Variants in ITGAX observed in about 807,000 individuals in gnomAD.
ITGAX encodes the protein integrin alpha-X.
In ITGAX, 99 loss-of-function variants were observed where a neutral mutation model predicts 140.2. That is an observed-to-expected ratio of 0.71 (90% CI 0.60 to 0.83). The LOEUF is 0.83. Among genes scored for constraint, ITGAX ranks in the 40% least tolerant of loss-of-function variants. The pLI is 0.00. For missense variants in ITGAX, 1,444 were observed against 1,482.0 expected, an observed-to-expected ratio of 0.97 and a Z score of 0.42; for synonymous variants, 631 against 600.4, an observed-to-expected ratio of 1.05 and a Z score of -0.75.
At position 31,382,404 on chromosome 16, in the gene ITGAX, C is replaced by T. The variant is rs2081078093; in HGVS notation, c.*497C>T. 1 of 1,532,788 alleles carries T rather than the reference C, an allele frequency of 6.5e-7. No homozygotes were observed. Among genetic ancestry groups the T allele is most frequent in the Admixed American group, 2.0e-5 (1 of 50,952 alleles). 94.9% of individuals were successfully genotyped at this position (1,532,788 alleles called of 1,614,324 possible). On this transcript the variant is annotated 3_prime_UTR_variant, in exon 30 of 30. Transcript: ENST00000268296. The stretch of plus-strand genomic sequence containing the variant: ...GGGACTACAGGCACACGCCACCTCG[C>T]CCGGCCCGATCTTTCTAAAATACAG...
intron 18 of ITGAX, 35 bp from the exon 19 acceptor site, chr16:31,372,561 GT>G: frequency 6.2e-7 from 1 of 1,614,010 alleles, no homozygotes. Context: ...TGGGGCCTGG[GT>G]CTCGGAGAAA....
chr16:31,380,416 T>C, intron 27 of ITGAX, 37 bp downstream of exon 27: 1 of 1,611,518 alleles, frequency 6.2e-7, no homozygotes, highest in Non-Finnish European at 8.5e-7. Context: ...TGCCCCAGAC[T>C]CAGGCGGGAC....
rs760726569 is a variant in ITGAX at position 31,379,761 on chromosome 16, A to G, written c.2873A>G (p.Asn958Ser). ...CCCTCAGTGCCCTCTGTGCAGGTCA[A>G]TAACCTGGGACAGAGGGACCTGCCT... Reference protein sequence around the residue: ...SHVAMHRYQVNNLGQRDLPVS... With the variant: ...SHVAMHRYQVSNLGQRDLPVS... The change falls in exon 25 of 30, where the codon AAT becomes AGT. Residue 958 changes from asparagine (N) to serine (S), a missense_variant. Coordinates refer to ENST00000268296, the MANE Select transcript of ITGAX (RefSeq NM_000887.5). The G allele has an allele frequency of 1.9e-6, 3 of 1,613,750 alleles. No individual in the cohort carries two copies. Among genetic ancestry groups the G allele is most frequent in the Middle Eastern group, 1.6e-4 (1 of 6,062 alleles).
intron 8 of ITGAX, 36 bp downstream of exon 8, chr16:31,360,499 C>T: frequency 1.3e-6 from 2 of 1,569,370 alleles, no homozygotes; most frequent in Non-Finnish European, 1.7e-6. Context: ...TCTCCCACGG[C>T]TTCCTCTCAG....
rs539273012 is a variant in ITGAX, at chr16:31,379,582, C to G, written c.2804C>G (p.Thr935Ser). 6.4e-7 allele frequency: 1 copy of G among 1,561,738 alleles called. No individual in the cohort carries two copies. The highest frequency in any genetic ancestry group is 8.7e-7 in the Non-Finnish European group (1 of 1,151,596). The change falls in exon 24 of 30, where the codon ACC becomes AGC. Residue 935 changes from threonine (T) to serine (S), a missense_variant. By Grantham distance (58) the Thr-to-Ser change is moderately conservative. Coordinates refer to ENST00000268296, the MANE Select transcript of ITGAX (RefSeq NM_000887.5). ...TCTCTCTCCAGCCACGAACAATTCA[C>G]CAAATACCTCAACTTCTCAGAGTCT... ...YTVVSSHEQF[T>S]KYLNFSESEE...
At position 31,377,074 on chromosome 16, in the gene ITGAX, G is replaced by T; in HGVS notation, c.2700G>T (p.Val900=). 1 of 1,614,184 alleles carries T rather than the reference G, an allele frequency of 6.2e-7. No individual in the cohort carries two copies. Among genetic ancestry groups the T allele is most frequent in the South Asian group, 1.1e-5 (1 of 91,088 alleles). Residue 900 remains valine (V), a synonymous_variant, in exon 22 of 30, where the codon GTG becomes GTT. Coordinates refer to ENST00000268296, the MANE Select transcript of ITGAX (RefSeq NM_000887.5). ...LGDRLLLTAN[V]SSENNTPRTS... is the part of the protein sequence containing the mutation. ...ACCGGCTGCTTCTGACAGCCAATGTGAGCAGGTGAGCCGGGCCAGGCCAGG... is the reference window on the plus strand; with the variant it reads ...ACCGGCTGCTTCTGACAGCCAATGTTAGCAGGTGAGCCGGGCCAGGCCAGG...
rs1008255554 is a variant in ITGAX at position 31,372,167 on chromosome 16, G to T, written c.2161-211G>T. ...CAGTCATTGCTGATCGGGAGGTCTG[G>T]GGGGGGGGAGGAAAAAAACAAAGAC... On this transcript the variant is annotated intron_variant, in intron 17 of 29. Transcript: ENST00000268296. 9.4e-5 allele frequency among the ~76,000 whole-genome samples: 13 copies of T among 138,902 alleles called. 1 individual carries two copies. The highest frequency in any genetic ancestry group is 2.1e-4 in the South Asian group (1 of 4,664). The allele number at this position is 138,902 out of a possible 152,430, so 91.1% of individuals were successfully genotyped here. A position where few individuals can be genotyped will look rare whatever the true frequency, so the allele number is the denominator to read the frequency against.
intron 3 of ITGAX, 104 bp from the exon 4 acceptor site, chr16:31,356,927 C>A: frequency 1.9e-6 from 2 of 1,066,076 alleles, no homozygotes; most frequent in Non-Finnish European, 1.4e-6. Context: ...GCTTCCTTCA[C>A]CGTCAGACCT....
At chr16:31,356,109 A>G (rs2080757572) in intron 2 of ITGAX, 111 bp downstream of exon 2, 4 of 733,876 alleles carry the variant, frequency 5.5e-6, no homozygotes, top group Non-Finnish European at 9.1e-6. Flanking sequence ...TGTCTGGTGT[A>G]GCGACTGCCC....
chr16:31,370,967 C>T, intron 14 of ITGAX, 117 bp from the exon 15 acceptor site: 1 of 1,324,860 alleles, frequency 7.5e-7, no homozygotes, highest in South Asian at 1.3e-5. Flanking sequence ...GACATCTGTT[C>T]ACAACTCACC....
chr16:31,364,974 G>A (rs2080877950), intron 14 of ITGAX, among the ~76,000 whole-genome samples: 1 of 152,080 alleles, frequency 6.6e-6, no homozygotes, highest in East Asian at 1.9e-4. Context: ...AGCCGAGATC[G>A]CGGCACTGCA....
chr16:31,371,701 C>G lies in ITGAX; in HGVS notation c.2077C>G (p.Gln693Glu). Residue 693 changes from glutamine (Q) to glutamate (E), a missense_variant, in exon 17 of 30, where the codon CAG becomes GAG. Physicochemically the swap from Gln to Glu is conservative, Grantham distance 29. Coordinates refer to ENST00000268296, the MANE Select transcript of ITGAX (RefSeq NM_000887.5). Reference protein sequence around the residue: ...PGRLSPRATFQETKNRSLSRV... With the variant: ...PGRLSPRATFEETKNRSLSRV... ...CCGCCTGAGTCCCCGTGCCACCTTCCAGGAAACAAAGAACCGGAGTCTGAG... is the reference window on the plus strand; with the variant it reads ...CCGCCTGAGTCCCCGTGCCACCTTCGAGGAAACAAAGAACCGGAGTCTGAG... The G allele has an allele frequency of 1.9e-6, 3 of 1,614,164 alleles. No homozygotes were observed. The highest frequency in any genetic ancestry group is 2.5e-6 in the Non-Finnish European group (3 of 1,180,040).
chr16:31,373,423 G>A (rs1192750904), intron 20 of ITGAX, 33 bp downstream of exon 20: 1 of 1,595,624 alleles, frequency 6.3e-7, no homozygotes, highest in South Asian at 1.1e-5. Flanking sequence ...AGGAGGCAGG[G>A]CTGGGCGTTA....
rs199865025 is a variant in ITGAX, at chr16:31,373,436, G to A, written c.2508+46G>A. ...GGAGGAGGCAGGGCTGGGCGTTAGC[G>A]TAGATTCCCGTGCGGTTCAGAACCC... On this transcript the variant is annotated intron_variant, in intron 20 of 29. Coordinates refer to ENST00000268296, the MANE Select transcript of ITGAX (RefSeq NM_000887.5). 7.8e-4 allele frequency: 1,225 copies of A among 1,572,620 alleles called. 11 individuals carry two copies. Among genetic ancestry groups the A allele is most frequent in the Middle Eastern group, 6.8e-4 (3 of 4,414 alleles).
chr16:31,369,377 C>T (rs1165555372), intron 14 of ITGAX, among the ~76,000 whole-genome samples: 1 of 152,222 alleles, frequency 6.6e-6, no homozygotes, highest in Non-Finnish European at 1.5e-5. Flanking sequence ...GGCAGAGGCG[C>T]CCCTCACCTC....
chr16:31,360,590 G>C (rs2080813474), intron 8 of ITGAX, 127 bp downstream of exon 8: 15 of 880,566 alleles, frequency 1.7e-5, no homozygotes, highest in Non-Finnish European at 2.4e-5. Context: ...TGCAATCCTA[G>C]CTCACTGCAG....
In ITGAX at chr16:31,379,998, G is replaced by T; in HGVS notation, c.2993G>T (p.Cys998Phe). The change falls in exon 26 of 30, where the codon TGC becomes TTC. Residue 998 changes from cysteine (C) to phenylalanine (F), a missense_variant. By Grantham distance (205) the Cys-to-Phe change is radical. Transcript: ENST00000268296. The part of the protein sequence containing the change: ...VSHPQNPSLR[C>F]SSEKIAPPAS... ...TTCCCCCAGAACCCATCCCTTCGGT[G>T]CTCCTCAGAGAAAATCGCACCCCCA... 1.2e-6 allele frequency: 2 copies of T among 1,614,160 alleles called. No individual in the cohort carries two copies. Among genetic ancestry groups the T allele is most frequent in the Non-Finnish European group, 1.7e-6 (2 of 1,180,006 alleles).
intron 14 of ITGAX, among the ~76,000 whole-genome samples, chr16:31,364,571 C>A (rs948072304): frequency 1.3e-5 from 2 of 151,980 alleles, no homozygotes; most frequent in Non-Finnish European, 2.9e-5. Context: ...TAATGAGATG[C>A]CACTTCTCAC....
At chr16:31,368,740 C>T (rs1489968824) in intron 14 of ITGAX, among the ~76,000 whole-genome samples, 1 of 151,886 alleles carries the variant, frequency 6.6e-6, no homozygotes, top group African/African-American at 2.4e-5. Context: ...TTTTCCCAGG[C>T]AGAGGACCCT....
Sources: gnomAD v4.1 joint callset for allele counts (sites outside exome capture counted in the v4.1 genomes callset) on GRCh38, gnomAD v4.1.1 for gene constraint, MANE v1.5 for transcripts, NCBI Gene and HGNC (gene_info 2026-07-23, HGNC 2026-07-21) for gene names.